ADGRB3: variants seen among roughly 807,000 people sequenced by gnomAD.
ADGRB3 encodes the protein brain-specific angiogenesis inhibitor 3.
In ADGRB3, 37 loss-of-function variants were observed where a neutral mutation model predicts 193.4. The observed-to-expected ratio is 0.19, with a 90% CI of 0.15 to 0.25. ADGRB3 has a LOEUF of 0.25. ADGRB3 is among the 10% of genes least tolerant of loss of function. The pLI, the probability that ADGRB3 is intolerant of heterozygous loss-of-function variation, is 1.00. For missense variants in ADGRB3, 1,637 were observed against 1,852.9 expected, an observed-to-expected ratio of 0.88 and a Z score of 2.14; for synonymous variants, 690 against 644.2, an observed-to-expected ratio of 1.07 and a Z score of -1.08.
chr6:68,818,387 C>G (rs2127379146), intron 3 of ADGRB3, among the ~76,000 whole-genome samples: 1 of 152,180 alleles, frequency 6.6e-6, no homozygotes, highest in South Asian at 2.1e-4. Flanking sequence ...TGGCACACAG[C>G]AGATCCTCAA....
chr6:69,215,158 G>A (rs1463581357), intron 17 of ADGRB3, among the ~76,000 whole-genome samples: 2 of 152,136 alleles, frequency 1.3e-5, no homozygotes, highest in Non-Finnish European at 2.9e-5. Flanking sequence ...CCCTGCAGTA[G>A]ATGCAGTGTC....
At chr6:69,223,650 CTCTTTTTTT>C (rs1765946256) in intron 17 of ADGRB3, among the ~76,000 whole-genome samples, 1 of 137,036 alleles carries the variant, frequency 7.3e-6, no homozygotes, top group African/African-American at 2.8e-5. Flanking sequence ...CTCTCTCTCT[CTCTTTTTTT>C]TTTTTTTTTT....
chr6:69,011,623 G>T (rs1214235225), intron 11 of ADGRB3, among the ~76,000 whole-genome samples: 1 of 151,938 alleles, frequency 6.6e-6, no homozygotes, highest in Non-Finnish European at 1.5e-5. Context: ...TGTATCCCCT[G>T]AATCTAAAAT....
chr6:69,018,023 A>G (rs917569299), intron 12 of ADGRB3, among the ~76,000 whole-genome samples: 1 of 151,894 alleles, frequency 6.6e-6, no homozygotes, highest in Admixed American at 6.6e-5. Flanking sequence ...TGTGTTCCTC[A>G]TATAGATGCC....
At chr6:68,821,040 C>T (rs1767739629) in intron 3 of ADGRB3, among the ~76,000 whole-genome samples, 1 of 151,978 alleles carries the variant, frequency 6.6e-6, no homozygotes, top group South Asian at 2.1e-4. Context: ...TCTTACCAAT[C>T]GTTTACCCAG....
intron 8 of ADGRB3, among the ~76,000 whole-genome samples, chr6:68,961,822 A>G (rs901252801): frequency 5.3e-5 from 8 of 152,178 alleles, no homozygotes; most frequent in Non-Finnish European, 1.2e-4. Context: ...TAAAGCTCCT[A>G]TTTCATTGGA....
intron 17 of ADGRB3, among the ~76,000 whole-genome samples, chr6:69,177,512 A>G (rs80230498): frequency 0.14 from 21,472 of 152,070 alleles, 1,579 homozygotes; most frequent in Middle Eastern, 0.16. Context: ...GCCTGCCACC[A>G]TGCCTGGCTA....
At chr6:68,693,388 T>C (rs1020347582) in intron 3 of ADGRB3, among the ~76,000 whole-genome samples, 1 of 150,942 alleles carries the variant, frequency 6.6e-6, no homozygotes, top group African/African-American at 2.5e-5. Flanking sequence ...TGAAATAATG[T>C]TTTTAGAAGG....
chr6:69,204,321 G>T (rs543883722), intron 17 of ADGRB3, among the ~76,000 whole-genome samples: 1 of 151,972 alleles, frequency 6.6e-6, no homozygotes, highest in African/African-American at 2.4e-5. Flanking sequence ...TAATAAAAAC[G>T]ATTATGTTGC....
At chr6:69,229,968 G>C (rs974905787) in intron 17 of ADGRB3, among the ~76,000 whole-genome samples, 1 of 152,218 alleles carries the variant, frequency 6.6e-6, no homozygotes, top group East Asian at 1.9e-4. Flanking sequence ...GGACAGGAAG[G>C]CTCCTTCTGT....
intron 20 of ADGRB3, among the ~76,000 whole-genome samples, chr6:69,301,617 G>A (rs1237047779): frequency 6.6e-6 from 1 of 151,860 alleles, no homozygotes; most frequent in Non-Finnish European, 1.5e-5. Flanking sequence ...AGGAGAATAA[G>A]AGAAAAGTTA....
At chr6:68,652,589 G>A (rs1768393269) in intron 3 of ADGRB3, among the ~76,000 whole-genome samples, 2 of 152,194 alleles carry the variant, frequency 1.3e-5, no homozygotes, top group Admixed American at 1.3e-4. Flanking sequence ...TCACATACTA[G>A]TTTAATTAGA....
At chr6:69,120,189 G>T (rs1016757000) in intron 17 of ADGRB3, among the ~76,000 whole-genome samples, 3 of 152,170 alleles carry the variant, frequency 2.0e-5, no homozygotes, top group African/African-American at 7.2e-5. Context: ...GTTCTGCATC[G>T]CTTCTTTAAA....
intron 26 of ADGRB3, among the ~76,000 whole-genome samples, chr6:69,352,703 G>C (rs1247718349): frequency 1.3e-5 from 2 of 152,138 alleles, no homozygotes. Context: ...TAGGAGAGAG[G>C]CTACTAATGA....
In ADGRB3 at chr6:69,325,034, G is replaced by T; in HGVS notation, c.2965+12G>T. On this transcript the variant is annotated intron_variant, in intron 21 of 31. Transcript: ENST00000370598. The stretch of plus-strand genomic sequence containing the variant: ...GTGCCTTGGATGGGGTAAGCATATT[G>T]ATATACCGTTTCATGCTCTTCTCAA... 6.2e-7 allele frequency: 1 copy of T among 1,609,500 alleles called. No individual in the cohort carries two copies. Among genetic ancestry groups the T allele is most frequent in the Non-Finnish European group, 8.5e-7 (1 of 1,177,702 alleles).
At chr6:69,214,505 T>G (rs2127242937) in intron 17 of ADGRB3, among the ~76,000 whole-genome samples, 1 of 152,118 alleles carries the variant, frequency 6.6e-6, no homozygotes, top group South Asian at 2.1e-4. Context: ...CAGAAGAAAT[T>G]TCTGGCAAAG....
intron 17 of ADGRB3, among the ~76,000 whole-genome samples, chr6:69,199,090 G>T (rs758800578): frequency 3.9e-5 from 6 of 152,050 alleles, no homozygotes; most frequent in South Asian, 4.1e-4. Flanking sequence ...GATGGGCTTC[G>T]GAACAGCTAT....
intron 3 of ADGRB3, among the ~76,000 whole-genome samples, chr6:68,862,929 G>T (rs374344370): frequency 3.9e-5 from 6 of 152,208 alleles, no homozygotes; most frequent in East Asian, 3.9e-4. Flanking sequence ...GTCGTCAATA[G>T]AATTGAGTTA....
At chr6:68,783,443 A>G (rs1308593760) in intron 3 of ADGRB3, among the ~76,000 whole-genome samples, 1 of 151,530 alleles carries the variant, frequency 6.6e-6, no homozygotes, top group Admixed American at 6.6e-5. Context: ...GAAAGGGGAA[A>G]CTATAGAAGA....
Sources: allele counts gnomAD v4.1 joint callset (sites outside exome capture counted in the v4.1 genomes callset), GRCh38; gene constraint gnomAD v4.1.1; transcripts MANE v1.5; gene names NCBI Gene and HGNC (gene_info 2026-07-23, HGNC 2026-07-21).